CDK14: variants seen among roughly 807,000 people sequenced by gnomAD.
The protein encoded by CDK14 is cyclin-dependent kinase 14.
Under a neutral mutation model 60.7 loss-of-function variants are expected in CDK14, and 34 were observed. The observed-to-expected ratio is 0.56, with a 90% confidence interval of 0.43 to 0.75. The LOEUF is 0.75. Among genes scored for constraint, CDK14 ranks in the 30% least tolerant of loss-of-function variants. The pLI, the probability that CDK14 is intolerant of heterozygous loss-of-function variation, is 0.00. For synonymous variants in CDK14, 197 were observed against 203.7 expected, an observed-to-expected ratio of 0.97 and a Z score of 0.28; for missense variants, 482 against 564.1, an observed-to-expected ratio of 0.85 and a Z score of 1.47.
intron 3 of CDK14, among the ~76,000 whole-genome samples, chr7:90,746,099 G>C: frequency 6.6e-6 from 1 of 152,170 alleles, no homozygotes; most frequent in East Asian, 1.9e-4. Flanking sequence ...TGTTCACCTA[G>C]AGGTTCTTGC....
intron 10 of CDK14, among the ~76,000 whole-genome samples, chr7:91,029,610 TCCG>T (rs1324893721): frequency 0.015 from 2,137 of 138,224 alleles, 15 homozygotes; most frequent in Middle Eastern, 0.026. Context: ...TCTCCTCTCC[TCCG>T]CTCCCCACTC....
At chr7:91,000,261 T>A (rs73403334) in intron 10 of CDK14, among the ~76,000 whole-genome samples, 3,343 of 152,322 alleles carry the variant, frequency 0.022, 115 homozygotes, top group African/African-American at 0.076. Context: ...TTGTGTTTAG[T>A]GTTCAAAACC....
intron 9 of CDK14, among the ~76,000 whole-genome samples, chr7:90,977,768 A>G (rs1795120633): frequency 6.6e-6 from 1 of 152,114 alleles, no homozygotes; most frequent in African/African-American, 2.4e-5. Flanking sequence ...CAGAATAGCC[A>G]GGGGGAAGGA....
chr7:90,692,936 TA>T (rs764007388), intron 2 of CDK14, among the ~76,000 whole-genome samples: 862 of 140,500 alleles, frequency 6.1e-3, no homozygotes, highest in African/African-American at 6.6e-3. Flanking sequence ...TTCCATCAAG[TA>T]AAAAAAAAAA....
At chr7:91,203,077 A>C (rs1160307275) in intron 14 of CDK14, among the ~76,000 whole-genome samples, 2 of 152,146 alleles carry the variant, frequency 1.3e-5, no homozygotes, top group Admixed American at 1.3e-4. Flanking sequence ...GTGAAATTAG[A>C]TGTACTGGAA....
At chr7:91,175,932 T>C (rs1466337004) in intron 14 of CDK14, among the ~76,000 whole-genome samples, 313 of 132,718 alleles carry the variant, frequency 2.4e-3, no homozygotes, top group South Asian at 6.2e-3. Flanking sequence ...TACCCAGGAA[T>C]TGAACTCAGC....
chr7:90,628,340 T>G (rs1485462660), intron 2 of CDK14, among the ~76,000 whole-genome samples: 1 of 152,194 alleles, frequency 6.6e-6, no homozygotes, highest in Admixed American at 6.5e-5. Context: ...TTGCCTGCTT[T>G]CTGTTTCATT....
At chr7:90,874,190 T>C (rs1791471881) in intron 6 of CDK14, among the ~76,000 whole-genome samples, 1 of 152,130 alleles carries the variant, frequency 6.6e-6, no homozygotes. Flanking sequence ...AGGAAGACAA[T>C]TTCTAATAGC....
At chr7:90,809,231 C>G (rs1480547841) in intron 5 of CDK14, among the ~76,000 whole-genome samples, 2 of 152,166 alleles carry the variant, frequency 1.3e-5, no homozygotes, top group African/African-American at 4.8e-5. Flanking sequence ...GTAAAGCTCC[C>G]CTTAGCAACT....
intron 12 of CDK14, among the ~76,000 whole-genome samples, chr7:91,085,656 G>A (rs959673411): frequency 7.9e-5 from 12 of 152,146 alleles, no homozygotes; most frequent in African/African-American, 2.4e-4. Flanking sequence ...ATGGAGTGAA[G>A]CAGAGCACAG....
rs1364913730 is a variant in CDK14 at position 90,774,208 on chromosome 7, C to T, written c.465-16365C>T. ...TGTGAGCCACTACGCCAGGCCAGCA[C>T]AGGTCTTTCTTATACCAGTTATATA... On this transcript the variant is annotated intron_variant, in intron 4 of 14. Transcript: ENST00000380050. Among the ~76,000 whole-genome samples the T allele has an allele frequency of 2.0e-5, 3 of 152,064 alleles. No homozygotes were observed. In the East Asian group the frequency reaches 5.8e-4, roughly 29 times the overall value.
intron 2 of CDK14, among the ~76,000 whole-genome samples, chr7:90,682,793 A>C (rs1324170738): frequency 1.3e-5 from 2 of 152,144 alleles, no homozygotes; most frequent in East Asian, 3.8e-4. Context: ...ATATTTATGA[A>C]TTGACATTTT....
Position 90,737,388 on chromosome 7 carries a change from C to G in CDK14, c.370-10293C>G, listed in dbSNP as rs150551961. The stretch of plus-strand genomic sequence containing the variant: ...AAATCTATATCCCATGATAGGCAGG[C>G]CTAATCTGGGAGATGTGGGAGGAGG... On this transcript the variant is annotated intron_variant, in intron 3 of 14. Transcript: ENST00000380050. 3.9e-5 allele frequency among the ~76,000 whole-genome samples: 6 copies of G among 152,308 alleles called. No homozygotes were observed. In the East Asian group the frequency reaches 9.6e-4, roughly 24 times the overall value.
At chr7:90,908,659 A>G (rs1389698431) in intron 7 of CDK14, among the ~76,000 whole-genome samples, 2 of 152,126 alleles carry the variant, frequency 1.3e-5, no homozygotes, top group African/African-American at 4.8e-5. Flanking sequence ...AAGTTCAAGT[A>G]GTAGAGTATA....
Position 90,917,592 on chromosome 7 carries a change from A to AT in CDK14, c.703-4dup. Reference sequence around the variant, plus strand: ...TTCTGATTTTAACCTTTGTCTCCTTATTTTTCAGTTGTTTTTATTTCAGTT... The same window carrying AT: ...TTCTGATTTTAACCTTTGTCTCCTTATTTTTTCAGTTGTTTTTATTTCAGTT... On this transcript the variant is annotated splice_polypyrimidine_tract_variant and intron_variant, in intron 7 of 14. Transcript: ENST00000380050. 1 of 1,610,266 alleles carries AT rather than the reference A, an allele frequency of 6.2e-7. No homozygotes were observed. The highest frequency in any genetic ancestry group is 8.5e-7 in the Non-Finnish European group (1 of 1,177,504).
chr7:91,149,312 C>T (rs757758287), intron 14 of CDK14, among the ~76,000 whole-genome samples: 3 of 151,600 alleles, frequency 2.0e-5, no homozygotes, highest in Non-Finnish European at 4.4e-5. Flanking sequence ...ACTTTCAGCA[C>T]GTTACAGCCT....
chr7:91,045,797 A>C, intron 10 of CDK14, 100 bp from the exon 11 acceptor site: 1 of 709,044 alleles, frequency 1.4e-6, no homozygotes, highest in Non-Finnish European at 2.4e-6. Context: ...AAAAAATACC[A>C]GAGTTTCATA....
intron 14 of CDK14, among the ~76,000 whole-genome samples, chr7:91,148,381 A>AG (rs1800721797): frequency 6.6e-6 from 1 of 152,192 alleles, no homozygotes; most frequent in Non-Finnish European, 1.5e-5. Context: ...TCCAAAAAAA[A>AG]GGAATTTGCA....
In CDK14 at chr7:91,013,724, G is replaced by A. The variant is rs560185332; in HGVS notation, c.1041+29483G>A. On this transcript the variant is annotated intron_variant, in intron 10 of 14. Transcript: ENST00000380050. ...TTGATTTACCTTAAGTTAAGAAAGAGTGGTTCTGAGTTAGGAGAATCATAG... is the reference window on the plus strand; with the variant it reads ...TTGATTTACCTTAAGTTAAGAAAGAATGGTTCTGAGTTAGGAGAATCATAG... Among the ~76,000 whole-genome samples the A allele has an allele frequency of 5.9e-4, 86 of 145,744 alleles. 1 individual carries two copies. The highest frequency in any genetic ancestry group is 2.0e-3 in the South Asian group (9 of 4,474).
Sources: gnomAD v4.1 joint callset for allele counts (sites outside exome capture counted in the v4.1 genomes callset) on GRCh38, gnomAD v4.1.1 for gene constraint, MANE v1.5 for transcripts, NCBI Gene and HGNC (gene_info 2026-07-23, HGNC 2026-07-21) for gene names.